The following RUNX1T1 variants were observed in gnomAD, a reference collection of about 807,000 sequenced individuals.
RUNX1T1 encodes protein CBFA2T1.
A neutral mutation model predicts 62.8 loss-of-function variants in RUNX1T1; 4 were observed. The ratio of observed to expected loss-of-function variants is 0.06; its 90% CI spans 0.03 to 0.15. RUNX1T1 has a LOEUF of 0.15. RUNX1T1 is among the 10% of genes least tolerant of loss of function. The pLI, the probability that RUNX1T1 is intolerant of heterozygous loss-of-function variation, is 1.00. For missense variants in RUNX1T1, 508 were observed against 754.3 expected, an observed-to-expected ratio of 0.67 and a Z score of 3.82; for synonymous variants, 291 against 286.0, an observed-to-expected ratio of 1.02 and a Z score of -0.18.
intron 5 of RUNX1T1, among the ~76,000 whole-genome samples, chr8:91,994,857 T>C (rs1818372204): frequency 6.6e-6 from 1 of 152,210 alleles, no homozygotes; most frequent in Non-Finnish European, 1.5e-5. Context: ...CTGGACTAGA[T>C]GATTTCTGCA....
chr8:92,062,758 A>G, exon 1 of RUNX1T1: 1 of 1,540,162 alleles, frequency 6.5e-7, no homozygotes, highest in Non-Finnish European at 8.7e-7. Context: ...TTGCACTTGG[A>G]GCAGAAATGT....
At chr8:92,095,382 C>T in intron 1 of RUNX1T1, 2 of 1,535,382 alleles carry the variant, frequency 1.3e-6, no homozygotes, top group African/African-American at 1.4e-5. Flanking sequence ...CGGCCGCGGC[C>T]GAGGCGGCAC....
At chr8:92,081,437 C>T (rs929094199) in intron 1 of RUNX1T1, 4 of 176,720 alleles carry the variant, frequency 2.3e-5, no homozygotes, top group African/African-American at 7.2e-5. Context: ...AAACAAAATA[C>T]CTAGGATCAG....
At chr8:92,016,315 A>G (rs1274657359) in intron 2 of RUNX1T1, among the ~76,000 whole-genome samples, 1 of 152,158 alleles carries the variant, frequency 6.6e-6, no homozygotes, top group African/African-American at 2.4e-5. Flanking sequence ...CACTCTATTG[A>G]GAGAACTCAG....
rs1824466552 is a variant in RUNX1T1 at position 92,023,259 on chromosome 8, TAA to T, written c.8-5898_8-5897del. Among the ~76,000 whole-genome samples the T allele has an allele frequency of 1.3e-5, 2 of 152,222 alleles. 1 individual carries two copies. Among genetic ancestry groups the T allele is most frequent in the Admixed American group, 1.3e-4 (2 of 15,284 alleles). ...AATTCTACTTTTCTTATCTATGAATTAAGCATATTAGGTTGTATTCTTTCTAA... is the reference window on the plus strand; with the variant it reads ...AATTCTACTTTTCTTATCTATGAATTGCATATTAGGTTGTATTCTTTCTAA... On this transcript the variant is annotated intron_variant, in intron 1 of 10. Transcript: ENST00000396218.
chr8:91,970,043 T>TGTGTGTGTGTTGTGTG lies in RUNX1T1; in HGVS notation c.1458+614_1458+615insCACACAACACACACAC, dbSNP rs11374252. ...CTGTGTGTGTGTGTGTGTGTGTGTG[T>TGTGTGTGTGTTGTGTG]TGTGTGTGTGTGTGTGAGAATTATT... On this transcript the variant is annotated intron_variant, in intron 10 of 10. Coordinates refer to ENST00000396218, the Ensembl canonical transcript of RUNX1T1. 1.2e-4 allele frequency among the ~76,000 whole-genome samples: 17 copies of TGTGTGTGTGTTGTGTG among 142,810 alleles called. No homozygotes were observed. The East Asian group carries it at 1.5e-3, about 12-fold the overall frequency. 93.7% of individuals were successfully genotyped at this position (142,810 alleles called of 152,430 possible). A position where few individuals can be genotyped will look rare whatever the true frequency, so the allele number is the denominator to read the frequency against.
chr8:92,091,038 G>A (rs1359277983), intron 1 of RUNX1T1, among the ~76,000 whole-genome samples: 2 of 152,302 alleles, frequency 1.3e-5, no homozygotes, highest in South Asian at 4.1e-4. Context: ...AGCACACTTA[G>A]AAGTGGTCTG....
At chr8:92,045,322 T>A (rs1829207401) in intron 1 of RUNX1T1, among the ~76,000 whole-genome samples, 1 of 152,142 alleles carries the variant, frequency 6.6e-6, no homozygotes, top group African/African-American at 2.4e-5. Context: ...GTACAATTTT[T>A]TCCACTTTAG....
intron 6 of RUNX1T1, among the ~76,000 whole-genome samples, chr8:91,990,471 GA>G (rs1256082710): frequency 1.3e-5 from 2 of 152,094 alleles, no homozygotes; most frequent in Non-Finnish European, 2.9e-5. Flanking sequence ...CACTAATTAG[GA>G]ATTGAAGACA....
intron 1 of RUNX1T1, chr8:92,094,932 A>C: frequency 1.1e-6 from 1 of 880,914 alleles, no homozygotes; most frequent in East Asian, 2.7e-5. Flanking sequence ...CCAGTCAATA[A>C]ATAATCTATT....
intron 1 of RUNX1T1, among the ~76,000 whole-genome samples, chr8:92,039,686 C>CA (rs141470077): frequency 6.6e-6 from 1 of 152,288 alleles, no homozygotes; most frequent in East Asian, 1.9e-4. Context: ...AAAGTGAACT[C>CA]ACTGTCTTCT....
intron 1 of RUNX1T1, among the ~76,000 whole-genome samples, chr8:92,051,406 C>G (rs1434507577): frequency 6.6e-6 from 1 of 151,916 alleles, no homozygotes; most frequent in Non-Finnish European, 1.5e-5. Flanking sequence ...CGTGAAATAA[C>G]AAAGTAGTAC....
chr8:92,076,141 T>C lies in RUNX1T1; in HGVS notation c.-85-4A>G, dbSNP rs967355323. 78 of 1,524,970 alleles carry C rather than the reference T, an allele frequency of 5.1e-5. No homozygotes were observed. The highest frequency in any genetic ancestry group is 1.8e-5 in the Non-Finnish European group (21 of 1,145,296). 94.5% of individuals were successfully genotyped at this position (1,524,970 alleles called of 1,614,324 possible). On this transcript the variant is annotated splice_polypyrimidine_tract_variant and splice_region_variant and intron_variant, in intron 1 of 11. Transcript: ENST00000265814. ...CCAGCCCAGAGATCAATCTTTTCTATTGACAACAACAAAGGGAAAAAAAAT... is the reference window on the plus strand; with the variant it reads ...CCAGCCCAGAGATCAATCTTTTCTACTGACAACAACAAAGGGAAAAAAAAT...
chr8:92,077,929 AT>A (rs2130792595), intron 1 of RUNX1T1, among the ~76,000 whole-genome samples: 1 of 152,280 alleles, frequency 6.6e-6, no homozygotes, highest in South Asian at 2.1e-4. Flanking sequence ...TCAATTAAAA[AT>A]GATCTCTCAA....
intron 6 of RUNX1T1, among the ~76,000 whole-genome samples, chr8:91,991,155 G>A (rs1817591514): frequency 6.6e-6 from 1 of 152,072 alleles, no homozygotes; most frequent in African/African-American, 2.4e-5. Flanking sequence ...TTAAGCCACA[G>A]ATAGCATGCC....
chr8:91,995,580 G>T (rs151071022), intron 5 of RUNX1T1, among the ~76,000 whole-genome samples: 1 of 152,148 alleles, frequency 6.6e-6, no homozygotes, highest in Admixed American at 6.5e-5. Flanking sequence ...TTGAGCCCAG[G>T]AGTTTAAGAC....
At chr8:92,042,510 T>C (rs907154644) in intron 1 of RUNX1T1, among the ~76,000 whole-genome samples, 5 of 151,850 alleles carry the variant, frequency 3.3e-5, no homozygotes, top group Admixed American at 6.6e-5. Context: ...TTTGTAGAGA[T>C]GGTGTCTTGT....
chr8:92,059,783 TC>T (rs1351766578), intron 1 of RUNX1T1, among the ~76,000 whole-genome samples: 3 of 152,176 alleles, frequency 2.0e-5, no homozygotes, highest in Non-Finnish European at 4.4e-5. Context: ...GATGGAGATG[TC>T]TTAAGTAAAA....
chr8:92,070,163 A>G (rs1251808990), intron 2 of RUNX1T1, among the ~76,000 whole-genome samples: 3 of 152,138 alleles, frequency 2.0e-5, no homozygotes, highest in Admixed American at 1.3e-4. Context: ...TTTTTCTCAC[A>G]TTATACACTC....
Sources: gnomAD v4.1 joint callset for allele counts (sites outside exome capture counted in the v4.1 genomes callset) on GRCh38, gnomAD v4.1.1 for gene constraint, MANE v1.5 for transcripts, NCBI Gene and HGNC (gene_info 2026-07-23, HGNC 2026-07-21) for gene names.